The following VAV2 variants were observed in gnomAD, a reference collection of about 807,000 sequenced individuals.
VAV2 encodes vav guanine nucleotide exchange factor 2, also known as guanine nucleotide exchange factor VAV2.
In VAV2, 67 loss-of-function variants were observed where a neutral mutation model predicts 132.5. The ratio of observed to expected loss-of-function variants is 0.51; its 90% CI spans 0.42 to 0.62. VAV2 has a LOEUF of 0.62. Among genes scored for constraint, VAV2 ranks in the 20% least tolerant of loss-of-function variants. The pLI is 0.00. For synonymous variants in VAV2, 492 were observed against 443.5 expected, an observed-to-expected ratio of 1.11 and a Z score of -1.37; for missense variants, 938 against 1,153.6, an observed-to-expected ratio of 0.81 and a Z score of 2.71.
At chr9:133,938,994 C>A (rs1841029540) in intron 2 of VAV2, 109 bp downstream of exon 2, 7 of 1,001,370 alleles carry the variant, frequency 7.0e-6, no homozygotes, top group Non-Finnish European at 1.1e-5. Context: ...TCCACTGGCT[C>A]TGTGTTGGAG....
intron 1 of VAV2, among the ~76,000 whole-genome samples, chr9:133,971,036 C>T (rs549751412): frequency 6.6e-6 from 1 of 152,294 alleles, no homozygotes; most frequent in African/African-American, 2.4e-5. Context: ...ATTACAGGTG[C>T]AAGTCACAGT....
In VAV2 at chr9:133,875,866, G is replaced by C. The variant is rs143814453; in HGVS notation, c.322-14434C>G. The stretch of plus-strand genomic sequence containing the variant: ...TGGGCAGCATTTCCAGAGGAGACCA[G>C]CATCTGAGTCGGCAGCCGAGTATAG... On this transcript the variant is annotated intron_variant, in intron 2 of 29. Coordinates refer to ENST00000371850, the MANE Select transcript of VAV2 (RefSeq NM_001134398.2). 3.9e-3 allele frequency among the ~76,000 whole-genome samples: 588 copies of C among 152,340 alleles called. 4 individuals are homozygous for C. The highest frequency in any genetic ancestry group is 0.013 in the African/African-American group (560 of 41,580).
intron 2 of VAV2, among the ~76,000 whole-genome samples, chr9:133,886,129 C>T (rs548693155): frequency 9.9e-5 from 15 of 152,150 alleles, no homozygotes; most frequent in East Asian, 3.9e-4. Flanking sequence ...CTGGAGCAGG[C>T]GGGGAGGGAA....
chr9:133,889,724 C>T (rs916832097), intron 2 of VAV2, among the ~76,000 whole-genome samples: 3 of 151,006 alleles, frequency 2.0e-5, no homozygotes, highest in Non-Finnish European at 3.0e-5. Context: ...CGAGGCTCGG[C>T]TGTTTGTTCA....
intron 2 of VAV2, among the ~76,000 whole-genome samples, chr9:133,904,943 G>A (rs1839586903): frequency 6.6e-6 from 1 of 152,256 alleles, no homozygotes; most frequent in Non-Finnish European, 1.5e-5. Context: ...GTCAGACTTG[G>A]GGCCCTGGCA....
intron 3 of VAV2, among the ~76,000 whole-genome samples, chr9:133,837,197 T>C (rs954953241): frequency 3.9e-5 from 6 of 152,250 alleles, no homozygotes; most frequent in African/African-American, 1.4e-4. Flanking sequence ...CAGAATGCTC[T>C]GTACTTAGGG....
At chr9:133,944,074 GGC>G (rs978300462) in intron 1 of VAV2, among the ~76,000 whole-genome samples, 4 of 152,218 alleles carry the variant, frequency 2.6e-5, no homozygotes, top group African/African-American at 9.6e-5. Context: ...CATCCTGGAT[GGC>G]AAGCTTCACC....
In VAV2 at chr9:133,846,396, G is replaced by A. The variant is rs367827155; in HGVS notation, c.381-12056C>T. 2.5e-4 allele frequency among the ~76,000 whole-genome samples: 38 copies of A among 152,312 alleles called. No individual in the cohort carries two copies. In the East Asian group the frequency reaches 6.4e-3, roughly 26 times the overall value. ...AACCCTCCGCCACTCCCACCTGGGC[G>A]TCCACAGCAGCCCCTCGGTGGCCCT... is the stretch of plus-strand genomic sequence containing the variant. On this transcript the variant is annotated intron_variant, in intron 3 of 29. Coordinates refer to ENST00000371850, the MANE Select transcript of VAV2 (RefSeq NM_001134398.2).
intron 2 of VAV2, among the ~76,000 whole-genome samples, chr9:133,876,908 G>T (rs1838287393): frequency 6.6e-6 from 1 of 152,110 alleles, no homozygotes; most frequent in Non-Finnish European, 1.5e-5. Flanking sequence ...GACAATGGGG[G>T]AGGCTGGCCA....
chr9:133,983,291 C>G (rs544826233), intron 1 of VAV2, among the ~76,000 whole-genome samples: 2 of 152,210 alleles, frequency 1.3e-5, no homozygotes, highest in Non-Finnish European at 2.9e-5. Context: ...CAAAAGAGGG[C>G]ATCACGCTGC....
rs1842260427 is a variant in VAV2, at chr9:133,969,622, T to C, written c.204+22453A>G. On this transcript the variant is annotated intron_variant, in intron 1 of 29. Coordinates refer to ENST00000371850, the MANE Select transcript of VAV2 (RefSeq NM_001134398.2). The surrounding 1 kb of genome is among the most constrained non-coding windows in gnomAD (Gnocchi z 5.1). ...TTGGCCAGTGGGGGACTTGAACCCC[T>C]AGGGCCAACTCCAGATGAGCCCCAC... Among the ~76,000 whole-genome samples, 1 of 152,056 alleles carries C rather than the reference T, an allele frequency of 6.6e-6. No homozygotes were observed.
intron 2 of VAV2, among the ~76,000 whole-genome samples, chr9:133,868,469 A>G (rs1009517093): frequency 1.8e-4 from 28 of 152,124 alleles, no homozygotes; most frequent in African/African-American, 6.8e-4. Flanking sequence ...AACAGTGTCT[A>G]CCCGTGTGGC....
At chr9:133,859,360 G>A (rs1459086547) in intron 3 of VAV2, among the ~76,000 whole-genome samples, 3 of 152,248 alleles carry the variant, frequency 2.0e-5, no homozygotes, top group African/African-American at 7.2e-5. Flanking sequence ...CCAGGACTGT[G>A]ATCAAGGACT....
chr9:133,967,072 T>C (rs1322794840), intron 1 of VAV2, among the ~76,000 whole-genome samples: 1 of 144,508 alleles, frequency 6.9e-6, no homozygotes, highest in Admixed American at 6.9e-5. Flanking sequence ...ATGATAATAA[T>C]AATAATCTGA....
In VAV2 at chr9:133,991,912, G is replaced by C. The variant is rs1333289903; in HGVS notation, c.204+163C>G. Among the ~76,000 whole-genome samples the C allele has an allele frequency of 6.6e-6, 1 of 150,472 alleles. No individual in the cohort carries two copies. Among genetic ancestry groups the C allele is most frequent in the Admixed American group, 6.6e-5 (1 of 15,130 alleles). ...TTCGCGCCTCCTGAGGTCGCGTCTC[G>C]GAGGCCCGGGGCGCACCCTCCAGCC... is the stretch of plus-strand genomic sequence containing the variant. On this transcript the variant is annotated intron_variant, in intron 1 of 29. Coordinates refer to ENST00000371850, the MANE Select transcript of VAV2 (RefSeq NM_001134398.2). This position sits in a 1 kb window ranked among gnomAD's most constrained non-coding sequence, Gnocchi z 4.8.
chr9:133,953,928 A>T lies in VAV2; in HGVS notation c.205-14709T>A, dbSNP rs562892362. 3.9e-4 allele frequency among the ~76,000 whole-genome samples: 60 copies of T among 152,296 alleles called. 1 individual carries two copies. The highest frequency in any genetic ancestry group is 1.4e-3 in the African/African-American group (58 of 41,554). ...TGCAGAAAAACCCACTGCTTGCCAG[A>T]GGCTACAGCCAGCACCTGACAGGCA... On this transcript the variant is annotated intron_variant, in intron 1 of 29. Coordinates refer to ENST00000371850, the MANE Select transcript of VAV2 (RefSeq NM_001134398.2).
rs191390768 is a variant in VAV2 at position 133,789,008 on chromosome 9, C to A, written c.1274+250G>T. On this transcript the variant is annotated intron_variant, in intron 14 of 29. Coordinates refer to ENST00000371850, the MANE Select transcript of VAV2 (RefSeq NM_001134398.2). ...GAGGCTGAGCATTGGCAGTGAGGGG[C>A]CTGGCCCTCATCTTTGGCTGCCCCA... 7.6e-3 allele frequency among the ~76,000 whole-genome samples: 1,155 copies of A among 152,364 alleles called. 27 individuals carry two copies. The highest frequency in any genetic ancestry group is 0.042 in the Admixed American group (649 of 15,310).
chr9:133,838,262 T>C (rs972521065), intron 3 of VAV2, among the ~76,000 whole-genome samples: 4 of 151,774 alleles, frequency 2.6e-5, no homozygotes, highest in African/African-American at 7.3e-5. Flanking sequence ...CAAGCCCTAC[T>C]GCATGTGGGA....
At chr9:133,796,399 C>T in intron 11 of VAV2, 30 bp downstream of exon 11, 1 of 1,598,568 alleles carries the variant, frequency 6.3e-7, no homozygotes, top group Non-Finnish European at 8.5e-7. Flanking sequence ...CAGTGATGAC[C>T]CCGCAGGCAC....
Sources: gnomAD v4.1 joint callset for allele counts (sites outside exome capture counted in the v4.1 genomes callset) on GRCh38, gnomAD v4.1.1 for gene constraint, Gnocchi (gnomAD v3.1) non-coding constraint, MANE v1.5 for transcripts, NCBI Gene and HGNC (gene_info 2026-07-23, HGNC 2026-07-21) for gene names.